OR2T27: variants seen among roughly 807,000 people sequenced by gnomAD.
OR2T27 encodes the protein olfactory receptor family 2 subfamily T member 27.
For missense variants in OR2T27, 152 were observed against 397.2 expected (o/e 0.38, Z 5.25); for synonymous variants, 51 against 152.9 (o/e 0.33, Z 4.92).
At position 248,649,986 on chromosome 1, in the gene OR2T27, GC is replaced by G. The variant is rs751749706; in HGVS notation, c.898del (p.Ala300ProfsTer15). The G allele has an allele frequency of 1.3e-6, 2 of 1,578,282 alleles. No individual in the cohort carries two copies. Among genetic ancestry groups the G allele is most frequent in the East Asian group, 2.3e-5 (1 of 43,546 alleles). ...YSLRNKDVTG[A>X]LQKVVGRCVS... ...ACACCTCCCCACAACCTTCTGTAGG[GC>G]CCCTGTGACATCCTTGTTCCTAAGG... is the stretch of plus-strand genomic sequence containing the variant. On this transcript the variant is annotated frameshift_variant, in exon 2 of 2. Transcript: ENST00000460972. LOFTEE classifies it low-confidence loss of function (END_TRUNC).
intron 1 of OR2T27, chr1:248,651,594 C>G (rs1194821313): frequency 1.4e-5 from 1 of 70,680 alleles, no homozygotes; most frequent in Non-Finnish European, 4.8e-5. Flanking sequence ...TAACATACAA[C>G]TCGTTAAAGT....
Position 248,650,209 on chromosome 1 carries a change from A to G in OR2T27, c.676T>C (p.Tyr226His), listed in dbSNP as rs140542533. ...GSYTRILITV[Y>H]RMSEAEGRGK... is the part of the protein sequence containing the mutation. ...CTCCCCTCTGCCTCGCTCATCCTAT[A>G]AACAGTAATGAGAATTCTTGTGTAA... is the stretch of plus-strand genomic sequence containing the variant. Residue 226 changes from tyrosine (Y) to histidine (H), a missense_variant, in exon 2 of 2, where the codon TAT becomes CAT. By Grantham distance (83) the Tyr-to-His change is moderately conservative. Coordinates refer to ENST00000460972, the MANE Select transcript of OR2T27 (RefSeq NM_001001824.2). 7.9e-3 allele frequency: 11,829 copies of G among 1,504,280 alleles called. 686 individuals carry two copies. The highest frequency in any genetic ancestry group is 0.074 in the African/African-American group (5,155 of 69,658). 93.2% of individuals were successfully genotyped at this position (1,504,280 alleles called of 1,614,324 possible).
At position 248,650,044 on chromosome 1, in the gene OR2T27, G is replaced by A. The variant is rs773599915; in HGVS notation, c.841C>T (p.Leu281Phe). 5.7e-6 allele frequency: 9 copies of A among 1,575,748 alleles called. 2 individuals are homozygous for A. In the South Asian group the frequency reaches 1.0e-4, roughly 18 times the overall value. Reference sequence around the variant, plus strand: ...ATGAGTGGATTGAGCATGGGAGTAAGGATGGTGTAGAAGGCAGATACAGCT... The same window carrying A: ...ATGAGTGGATTGAGCATGGGAGTAAAGATGGTGTAGAAGGCAGATACAGCT... ...DKAVSAFYTI[L>F]TPMLNPLIYS... Residue 281 changes from leucine to phenylalanine, a missense_variant, in exon 2 of 2, where the codon CTT becomes TTT. Physicochemically the swap from Leu to Phe is conservative, Grantham distance 22. Transcript: ENST00000460972.
rs1429266429 is a variant in OR2T27, at chr1:248,655,469, G to A, written c.-30C>T. On this transcript the variant is annotated 5_prime_UTR_variant, in exon 1 of 2. Transcript: ENST00000460972. ...CTTACACAGTATCTTCCCCAAACAC[G>A]ATGATCTGAATATTTAGAGAGAAAC... 2 of 85,632 alleles carry A rather than the reference G, an allele frequency of 2.3e-5. No homozygotes were observed. Among genetic ancestry groups the A allele is most frequent in the African/African-American group, 5.8e-5 (2 of 34,666 alleles). The allele number at this position is 85,632 out of a possible 1,614,324, so 5.3% of individuals were successfully genotyped here. A position where few individuals can be genotyped will look rare whatever the true frequency, so the allele number is the denominator to read the frequency against.
intron 1 of OR2T27, among the ~76,000 whole-genome samples, chr1:248,653,792 C>T (rs1429434381): frequency 6.2e-5 from 2 of 32,044 alleles, no homozygotes; most frequent in Non-Finnish European, 3.0e-3. Context: ...GGTGATTTGT[C>T]GAGATTAGTC....
At position 248,650,493 on chromosome 1, in the gene OR2T27, T is replaced by TG; in HGVS notation, c.391dup (p.His131ProfsTer97). 1 of 1,546,588 alleles carries TG rather than the reference T, an allele frequency of 6.5e-7. No individual in the cohort carries two copies. The highest frequency in any genetic ancestry group is 1.1e-5 in the South Asian group (1 of 87,206). ...CTTGCGGCTCATGAGGACAGGATAG[T>TG]GCAGAGGGTTGCAGATGGCTACGTA... On this transcript the variant is annotated frameshift_variant, in exon 2 of 2. Coordinates refer to ENST00000460972, the MANE Select transcript of OR2T27 (RefSeq NM_001001824.2). LOFTEE classifies it low-confidence loss of function (END_TRUNC).
At position 248,651,935 on chromosome 1, in the gene OR2T27, T is replaced by TTA. The variant is rs1661025096; in HGVS notation, c.-4-1049_-4-1048dup. 5.0e-5 allele frequency among the ~76,000 whole-genome samples: 3 copies of TTA among 59,516 alleles called. No individual in the cohort carries two copies. In the Admixed American group the frequency reaches 8.2e-4, roughly 16 times the overall value. 39.0% of individuals were successfully genotyped at this position (59,516 alleles called of 152,430 possible). The stretch of plus-strand genomic sequence containing the variant: ...ATATGCAACACATCTCCTTAAAACT[T>TTA]TATATTATGGTAACTTTTAGATATA... On this transcript the variant is annotated intron_variant, in intron 1 of 1. Coordinates refer to ENST00000460972, the MANE Select transcript of OR2T27 (RefSeq NM_001001824.2).
chr1:248,653,719 A>G (rs1351800723), intron 1 of OR2T27, among the ~76,000 whole-genome samples: 17 of 93,854 alleles, frequency 1.8e-4, no homozygotes, highest in Non-Finnish European at 3.9e-4. Context: ...TTTGATTATG[A>G]AAAAAATTGA....
chr1:248,653,245 CCACT>C (rs1183503015), intron 1 of OR2T27, among the ~76,000 whole-genome samples: 1 of 138,162 alleles, frequency 7.2e-6, no homozygotes, highest in Admixed American at 7.5e-5. Flanking sequence ...GGCTCCATAA[CCACT>C]CAGATTTTAC....
At position 248,650,032 on chromosome 1, in the gene OR2T27, G is replaced by A. The variant is rs781535590; in HGVS notation, c.853C>T (p.Leu285Phe). Residue 285 changes from leucine to phenylalanine, a missense_variant, in exon 2 of 2, where the codon CTC becomes TTC. Leu to Phe is a conservative substitution (Grantham distance 22, BLOSUM62 0). Transcript: ENST00000460972. ...CTAAGGCTGTAAATGAGTGGATTGAGCATGGGAGTAAGGATGGTGTAGAAG... is the reference window on the plus strand; with the variant it reads ...CTAAGGCTGTAAATGAGTGGATTGAACATGGGAGTAAGGATGGTGTAGAAG... ...SAFYTILTPM[L>F]NPLIYSLRNK... 47 of 1,576,984 alleles carry A rather than the reference G, an allele frequency of 3.0e-5. 8 individuals carry two copies. The highest frequency in any genetic ancestry group is 5.7e-5 in the African/African-American group (4 of 69,680).
At position 248,650,008 on chromosome 1, in the gene OR2T27, T is replaced by TA. The variant is rs141113411; in HGVS notation, c.876dup (p.Arg293Ter). 8.3e-3 allele frequency: 13,075 copies of TA among 1,570,264 alleles called. 1,720 individuals carry two copies. In the African/African-American group the frequency reaches 0.17, roughly 21 times the overall value. ...AGGGCCCCTGTGACATCCTTGTTCCTAAGGCTGTAAATGAGTGGATTGAGC... is the reference window on the plus strand; with the variant it reads ...AGGGCCCCTGTGACATCCTTGTTCCTAAAGGCTGTAAATGAGTGGATTGAGC... On this transcript the variant is annotated frameshift_variant, in exon 2 of 2. Transcript: ENST00000460972. LOFTEE classifies it low-confidence loss of function (END_TRUNC).
intron 1 of OR2T27, among the ~76,000 whole-genome samples, chr1:248,653,839 T>TA (rs1558182377): frequency 2.6e-5 from 2 of 78,412 alleles, no homozygotes; most frequent in African/African-American, 5.8e-5. Flanking sequence ...TCTTTTGTTC[T>TA]ATTTAGTGCA....
In OR2T27 at chr1:248,652,322, C is replaced by A. The variant is rs139494221; in HGVS notation, c.-4-1434G>T. 7.5e-3 allele frequency among the ~76,000 whole-genome samples: 1,098 copies of A among 146,552 alleles called. 7 individuals are homozygous for A. Among genetic ancestry groups the A allele is most frequent in the African/African-American group, 0.026 (1,057 of 40,488 alleles). On this transcript the variant is annotated intron_variant, in intron 1 of 1. Transcript: ENST00000460972. ...GACCATTCTACAGTTGAAAATTAGG[C>A]TTAAGGAAACTTCCCCAAGGAGGAA...
intron 1 of OR2T27, among the ~76,000 whole-genome samples, chr1:248,653,520 C>T (rs1257394856): frequency 1.7e-5 from 1 of 58,470 alleles, no homozygotes; most frequent in African/African-American, 3.1e-5. Context: ...TTCACATTCA[C>T]GTTGTTGAGT....
intron 1 of OR2T27, among the ~76,000 whole-genome samples, chr1:248,653,180 G>A (rs935650331): frequency 1.1e-4 from 16 of 144,324 alleles, no homozygotes; most frequent in African/African-American, 4.0e-4. Context: ...ACTTGCTAAT[G>A]AGACCCTGGG....
chr1:248,653,163 C>A (rs1471329641), intron 1 of OR2T27, among the ~76,000 whole-genome samples: 1 of 143,638 alleles, frequency 7.0e-6, no homozygotes, highest in East Asian at 2.2e-4. Flanking sequence ...ATACTCCTGG[C>A]CCTGAAACTT....
At chr1:248,653,369 C>G (rs61834279) in intron 1 of OR2T27, among the ~76,000 whole-genome samples, 108,495 of 131,192 alleles carry the variant, frequency 0.83, 49,065 homozygotes, top group East Asian at 1. Context: ...CTGGATTATG[C>G]CATGCCCCAT....
chr1:248,650,947 C>T, intron 1 of OR2T27, 59 bp from the exon 2 acceptor site: 1 of 413,678 alleles, frequency 2.4e-6, no homozygotes. Flanking sequence ...TTACATAAAA[C>T]ATTATGATGT....
At position 248,651,429 on chromosome 1, in the gene OR2T27, T is replaced by A. The variant is rs1244212565; in HGVS notation, c.-4-541A>T. The stretch of plus-strand genomic sequence containing the variant: ...AAAATGAGTACTCAACTTACATGTA[T>A]CAGGTGGAGTATTGCAGAATGAGCC... On this transcript the variant is annotated intron_variant, in intron 1 of 1. Coordinates refer to ENST00000460972, the MANE Select transcript of OR2T27 (RefSeq NM_001001824.2). The A allele has an allele frequency of 2.8e-5, 2 of 71,574 alleles. 1 individual carries two copies. Among genetic ancestry groups the A allele is most frequent in the African/African-American group, 5.5e-5 (2 of 36,488 alleles). The allele number at this position is 71,574 out of a possible 1,614,324, so 4.4% of individuals were successfully genotyped here.
Sources: allele counts gnomAD v4.1 joint callset (sites outside exome capture counted in the v4.1 genomes callset), GRCh38; gene constraint gnomAD v4.1.1; transcripts MANE v1.5; gene names NCBI Gene and HGNC (gene_info 2026-07-23, HGNC 2026-07-21).